The following NRXN1 variants were observed in gnomAD, a reference collection of about 807,000 sequenced individuals.
The protein encoded by NRXN1 is neurexin-1.
Under a neutral mutation model 150.9 loss-of-function variants are expected in NRXN1, and 39 were observed. That is an observed-to-expected ratio of 0.26 (90% CI 0.20 to 0.34). The LOEUF is 0.34. Ranked by LOEUF, NRXN1 falls within the 10% of genes least tolerant of loss-of-function variation. The pLI is 1.00. For missense variants in NRXN1, 1,815 were observed against 1,949.9 expected (o/e 0.93, Z 1.30); for synonymous variants, 924 against 757.0 (o/e 1.22, Z -3.62).
At position 50,342,681 on chromosome 2, in the gene NRXN1, C is replaced by T. The variant is rs79621429; in HGVS notation, c.3365-105711G>A. 4.1e-4 allele frequency among the ~76,000 whole-genome samples: 62 copies of T among 152,336 alleles called. No individual in the cohort carries two copies. In the East Asian group the frequency reaches 0.011, roughly 27 times the overall value. Reference sequence around the variant, plus strand: ...CAGTGTGCATTATTGTTAAAACATGCTTGAAGCAAAACGCTGGACCATGTA... The same window carrying T: ...CAGTGTGCATTATTGTTAAAACATGTTTGAAGCAAAACGCTGGACCATGTA... On this transcript the variant is annotated intron_variant, in intron 17 of 22. Transcript: ENST00000401669.
intron 17 of NRXN1, among the ~76,000 whole-genome samples, chr2:50,282,005 C>T (rs1375092298): frequency 6.6e-6 from 1 of 151,974 alleles, no homozygotes; most frequent in Non-Finnish European, 1.5e-5. Flanking sequence ...AGTCATTTCC[C>T]AAAAGCAAAG....
chr2:50,166,623 T>G (rs974167757), intron 18 of NRXN1, among the ~76,000 whole-genome samples: 1 of 152,156 alleles, frequency 6.6e-6, no homozygotes, highest in Non-Finnish European at 1.5e-5. Flanking sequence ...CTACTAACTT[T>G]GTAGTAATCT....
At chr2:50,270,328 T>C (rs1277580182) in intron 17 of NRXN1, among the ~76,000 whole-genome samples, 1 of 152,188 alleles carries the variant, frequency 6.6e-6, no homozygotes, top group Non-Finnish European at 1.5e-5. Context: ...CATATGAAAC[T>C]TTAATAATTA....
At chr2:50,732,620 T>C (rs189006337) in intron 5 of NRXN1, among the ~76,000 whole-genome samples, 31 of 152,272 alleles carry the variant, frequency 2.0e-4, no homozygotes, top group African/African-American at 6.3e-4. Context: ...AGCTTTAAAG[T>C]AAAATAGAGC....
intron 2 of NRXN1, among the ~76,000 whole-genome samples, chr2:50,972,861 C>A (rs138160027): frequency 6.6e-6 from 1 of 152,094 alleles, no homozygotes. Flanking sequence ...GGTTGGGAAC[C>A]CCTGACTTAC....
chr2:50,947,443 CA>C (rs1422165288), intron 2 of NRXN1, among the ~76,000 whole-genome samples: 2 of 139,126 alleles, frequency 1.4e-5, no homozygotes, highest in East Asian at 5.3e-4. Flanking sequence ...AGATCTGAAA[CA>C]GTGATAATAT....
At chr2:50,710,114 T>G (rs1230415842) in intron 5 of NRXN1, among the ~76,000 whole-genome samples, 1 of 152,172 alleles carries the variant, frequency 6.6e-6, no homozygotes, top group East Asian at 1.9e-4. Context: ...ATTGTTCGCT[T>G]GCAACTTTAC....
chr2:50,048,963 T>C (rs891152335), intron 21 of NRXN1, among the ~76,000 whole-genome samples: 1 of 152,104 alleles, frequency 6.6e-6, no homozygotes, highest in Non-Finnish European at 1.5e-5. Flanking sequence ...TTTCTCAACA[T>C]TGTTGAAATA....
At chr2:50,201,063 C>A (rs570444929) in intron 18 of NRXN1, among the ~76,000 whole-genome samples, 1 of 152,054 alleles carries the variant, frequency 6.6e-6, no homozygotes, top group Non-Finnish European at 1.5e-5. Context: ...TTTTAATATC[C>A]TTTCAAGTAT....
chr2:50,592,435 T>A (rs1369584261), intron 8 of NRXN1, among the ~76,000 whole-genome samples: 2 of 152,126 alleles, frequency 1.3e-5, no homozygotes, highest in Non-Finnish European at 1.5e-5. Flanking sequence ...TCTTTATGCA[T>A]CTAGGTGGCA....
intron 21 of NRXN1, among the ~76,000 whole-genome samples, chr2:49,947,978 A>G (rs1003027451): frequency 1.3e-5 from 2 of 152,100 alleles, no homozygotes; most frequent in Non-Finnish European, 2.9e-5. Flanking sequence ...ATATAATTAT[A>G]GATATTAAAC....
At chr2:50,864,287 T>A (rs1200580715) in intron 5 of NRXN1, among the ~76,000 whole-genome samples, 1 of 151,968 alleles carries the variant, frequency 6.6e-6, no homozygotes, top group Non-Finnish European at 1.5e-5. Context: ...TATCTGATCA[T>A]CATAAAAGCT....
chr2:50,150,497 T>C (rs1454872622), intron 18 of NRXN1, among the ~76,000 whole-genome samples: 1 of 151,776 alleles, frequency 6.6e-6, no homozygotes, highest in Non-Finnish European at 1.5e-5. Flanking sequence ...GTTTCAGTGT[T>C]CTCCTAAAGA....
chr2:50,728,777 A>G (rs1361557825), intron 5 of NRXN1, among the ~76,000 whole-genome samples: 1 of 152,114 alleles, frequency 6.6e-6, no homozygotes, highest in Non-Finnish European at 1.5e-5. Flanking sequence ...CAATAATACA[A>G]CTTCTATCTA....
At chr2:50,558,947 T>C (rs1668643270) in intron 8 of NRXN1, among the ~76,000 whole-genome samples, 1 of 152,012 alleles carries the variant, frequency 6.6e-6, no homozygotes, top group Non-Finnish European at 1.5e-5. Flanking sequence ...CCGGGTGTGG[T>C]GGCGGGCACC....
At chr2:50,793,699 T>G (rs538240740) in intron 5 of NRXN1, among the ~76,000 whole-genome samples, 8 of 152,154 alleles carry the variant, frequency 5.3e-5, no homozygotes, top group Non-Finnish European at 1.0e-4. Flanking sequence ...CAAAGGGACA[T>G]ACTGAGTAAG....
At chr2:50,391,452 G>C (rs1011746899) in intron 17 of NRXN1, among the ~76,000 whole-genome samples, 7 of 152,012 alleles carry the variant, frequency 4.6e-5, no homozygotes, top group Admixed American at 4.6e-4. Flanking sequence ...CTTGGGAAGA[G>C]AATCCATGTG....
At chr2:50,268,744 C>T (rs2069192982) in intron 17 of NRXN1, among the ~76,000 whole-genome samples, 1 of 152,162 alleles carries the variant, frequency 6.6e-6, no homozygotes, top group Non-Finnish European at 1.5e-5. Context: ...CTTTGTCTTA[C>T]CTCCCAATTA....
At chr2:50,289,659 G>C (rs1448554648) in intron 17 of NRXN1, among the ~76,000 whole-genome samples, 2 of 151,938 alleles carry the variant, frequency 1.3e-5, no homozygotes, top group Non-Finnish European at 2.9e-5. Context: ...AATTAATCAA[G>C]GTCTTAAATT....
Sources: gnomAD v4.1 joint callset for allele counts (sites outside exome capture counted in the v4.1 genomes callset) on GRCh38, gnomAD v4.1.1 for gene constraint, MANE v1.5 for transcripts, NCBI Gene and HGNC (gene_info 2026-07-23, HGNC 2026-07-21) for gene names.